Variants in MORC1 observed in about 807,000 individuals in gnomAD.
The protein encoded by MORC1 is MORC family CW-type zinc finger protein 1.
In MORC1, 59 loss-of-function variants were observed where a neutral mutation model predicts 134.9. The observed-to-expected ratio is 0.44, with a 90% confidence interval of 0.35 to 0.54. MORC1 has a LOEUF of 0.54. Ranked by LOEUF, MORC1 falls within the 20% of genes least tolerant of loss-of-function variation. MORC1 has a pLI of 0.00. For synonymous variants in MORC1, 395 were observed against 391.7 expected, an observed-to-expected ratio of 1.01 and a Z score of -0.10; for missense variants, 947 against 1,134.5, an observed-to-expected ratio of 0.83 and a Z score of 2.37.
chr3:109,017,395 C>A (rs956105699), intron 17 of MORC1, among the ~76,000 whole-genome samples: 4 of 152,030 alleles, frequency 2.6e-5, no homozygotes, highest in African/African-American at 9.7e-5. Context: ...GTGGAAAGAG[C>A]GATATACATA....
At chr3:109,020,791 T>G (rs1948941378) in intron 17 of MORC1, among the ~76,000 whole-genome samples, 1 of 133,626 alleles carries the variant, frequency 7.5e-6, no homozygotes, top group African/African-American at 2.9e-5. Context: ...AGGTATGAAT[T>G]TTACTCCAGC....
At chr3:109,012,155 G>T (rs527479685) in intron 17 of MORC1, among the ~76,000 whole-genome samples, 5 of 150,772 alleles carry the variant, frequency 3.3e-5, no homozygotes, top group African/African-American at 2.5e-5. Flanking sequence ...TTGTTATTTT[G>T]GGGGATATAT....
chr3:109,053,888 GTTTATCTT>G (rs1302794039), intron 14 of MORC1, among the ~76,000 whole-genome samples: 2 of 152,118 alleles, frequency 1.3e-5, no homozygotes, highest in Non-Finnish European at 2.9e-5. Context: ...GATAACTAAA[GTTTATCTT>G]TTTAAGTTTC....
At chr3:109,112,009 A>G (rs1341991340) in intron 2 of MORC1, among the ~76,000 whole-genome samples, 2 of 152,236 alleles carry the variant, frequency 1.3e-5, no homozygotes, top group Non-Finnish European at 2.9e-5. Flanking sequence ...CCATAGTTCC[A>G]TAACACATAG....
rs370207185 is a variant in MORC1, at chr3:108,958,509, A to G, written c.*456T>C. On this transcript the variant is annotated 3_prime_UTR_variant, in exon 28 of 28. Coordinates refer to ENST00000232603, the MANE Select transcript of MORC1 (RefSeq NM_014429.4). ...TTTTCTGCTTGACTGAGTGTTGGCT[A>G]TAGTGGAGAAAGGGCATAATGTCTT... 6.6e-6 allele frequency: 1 copy of G among 152,126 alleles called. No homozygotes were observed. The highest frequency in any genetic ancestry group is 2.4e-5 in the African/African-American group (1 of 41,430). The allele number at this position is 152,126 out of a possible 1,614,324, so 9.4% of individuals were successfully genotyped here.
chr3:108,992,802 A>G (rs1476602035), intron 21 of MORC1, among the ~76,000 whole-genome samples: 3 of 152,056 alleles, frequency 2.0e-5, no homozygotes, highest in African/African-American at 7.3e-5. Flanking sequence ...CTCCTCTTCT[A>G]TCTTCCACAT....
chr3:108,996,143 C>T (rs1201717718), intron 21 of MORC1, among the ~76,000 whole-genome samples: 1 of 152,098 alleles, frequency 6.6e-6, no homozygotes, highest in African/African-American at 2.4e-5. Flanking sequence ...GAAAAGAATA[C>T]TTGCCTCTCA....
intron 6 of MORC1, among the ~76,000 whole-genome samples, chr3:109,097,767 G>A (rs910841315): frequency 2.0e-5 from 3 of 152,170 alleles, no homozygotes; most frequent in Admixed American, 2.0e-4. Context: ...ATTAATTTTA[G>A]GGGAAATAAG....
intron 14 of MORC1, among the ~76,000 whole-genome samples, chr3:109,040,482 A>G (rs1949507916): frequency 6.8e-6 from 1 of 146,944 alleles, no homozygotes; most frequent in South Asian, 2.1e-4. Flanking sequence ...GAAAGAAAGA[A>G]AGAAAGGAAA....
At chr3:108,988,329 T>C (rs1193261394) in intron 21 of MORC1, among the ~76,000 whole-genome samples, 8 of 152,184 alleles carry the variant, frequency 5.3e-5, no homozygotes. Flanking sequence ...TAAGCTACTT[T>C]TGTCTATTTC....
intron 4 of MORC1, 137 bp downstream of exon 4, chr3:109,103,712 T>C (rs952141096): frequency 2.0e-5 from 14 of 691,814 alleles, no homozygotes; most frequent in Non-Finnish European, 3.0e-5. Context: ...ACCTAAAAAG[T>C]TCAACAAAAA....
chr3:108,975,245 C>A (rs994145765), intron 24 of MORC1, among the ~76,000 whole-genome samples: 12 of 152,300 alleles, frequency 7.9e-5, no homozygotes, highest in African/African-American at 2.9e-4. Context: ...TCTTCCTTAA[C>A]TCAGTAAAAG....
At chr3:109,062,412 G>A (rs1452913901) in intron 10 of MORC1, among the ~76,000 whole-genome samples, 1 of 151,146 alleles carries the variant, frequency 6.6e-6, no homozygotes, top group Non-Finnish European at 1.5e-5. Context: ...TGAATATGTA[G>A]AACATCCTTC....
chr3:109,002,723 G>T (rs996423294), intron 20 of MORC1, among the ~76,000 whole-genome samples: 3 of 151,946 alleles, frequency 2.0e-5, no homozygotes, highest in Admixed American at 6.5e-5. Flanking sequence ...TTCTATACTC[G>T]GCCAAAGCAA....
chr3:108,979,612 C>T lies in MORC1; in HGVS notation c.2380G>A (p.Val794Ile). 6.2e-7 allele frequency: 1 copy of T among 1,614,184 alleles called. No individual in the cohort carries two copies. The highest frequency in any genetic ancestry group is 1.3e-5 in the African/African-American group (1 of 75,056). ...ACTTTACAACTGCCACTCACAGAAA[C>T]TCTGGCTATGTGTCCAGAACTTAGA... ...VNLSSGHIAR[V>I]SVSGSCKVAS... The change falls in exon 24 of 28, where the codon GTT (valine) becomes ATT (isoleucine). Residue 794 changes from valine (V) to isoleucine (I), a missense_variant. By Grantham distance (29) the Val-to-Ile change is conservative. This residue lies in a region of MORC1 where 722 missense variants were observed against 817.0 expected (regional missense o/e 0.88). Transcript: ENST00000232603.
rs368816451 is a variant in MORC1 at position 109,094,344 on chromosome 3, A to AT, written c.583+564dup. ...GTTCTTAAACACAAGGGAGAATAGC[A>AT]TAGTAGCTAAGAACATGGGCTAAAT... On this transcript the variant is annotated intron_variant, in intron 7 of 27. Transcript: ENST00000232603. Among the ~76,000 whole-genome samples, 23 of 152,356 alleles carry AT rather than the reference A, an allele frequency of 1.5e-4. No homozygotes were observed. In the East Asian group the frequency reaches 4.2e-3, roughly 28 times the overall value.
chr3:109,068,664 C>T (rs886235074), intron 9 of MORC1, among the ~76,000 whole-genome samples: 2 of 152,154 alleles, frequency 1.3e-5, no homozygotes, highest in South Asian at 2.1e-4. Context: ...AATTGTGGTG[C>T]TATAAACATG....
intron 2 of MORC1, among the ~76,000 whole-genome samples, chr3:109,112,486 T>C (rs1354217242): frequency 6.6e-6 from 1 of 152,214 alleles, no homozygotes; most frequent in African/African-American, 2.4e-5. Context: ...TGATGTCAAC[T>C]ACTAGCATCT....
intron 13 of MORC1, among the ~76,000 whole-genome samples, chr3:109,055,385 T>C (rs979486340): frequency 1.3e-5 from 2 of 152,234 alleles, no homozygotes; most frequent in African/African-American, 4.8e-5. Flanking sequence ...GGAAATCTGG[T>C]TGGTGACATA....
Sources: gnomAD v4.1 joint callset for allele counts (sites outside exome capture counted in the v4.1 genomes callset) on GRCh38, gnomAD v4.1.1 for gene constraint, gnomAD v4.1.1 regional missense constraint, MANE v1.5 for transcripts, NCBI Gene and HGNC (gene_info 2026-07-23, HGNC 2026-07-21) for gene names.